Variants in LARGE1 observed in about 807,000 individuals in gnomAD.
The protein encoded by LARGE1 is xylosyl- and glucuronyltransferase LARGE1.
LARGE1 carries 43 observed loss-of-function variants against 87.6 expected under a neutral mutation model. The observed-to-expected ratio is 0.49, with a 90% confidence interval of 0.38 to 0.63. The LOEUF is 0.63. LARGE1 is among the 30% of genes least tolerant of loss of function. LARGE1 has a pLI of 0.00. For missense variants in LARGE1, 802 were observed against 1,000.2 expected (o/e 0.80, Z 2.67); for synonymous variants, 434 against 394.6 (o/e 1.10, Z -1.18).
chr22:33,659,271 C>T (rs2081055940), intron 2 of LARGE1, among the ~76,000 whole-genome samples: 1 of 152,140 alleles, frequency 6.6e-6, no homozygotes, highest in African/African-American at 2.4e-5. Flanking sequence ...AGAAAATGCC[C>T]TCCTTTTAAT....
At chr22:33,745,161 C>T (rs2084034341) in intron 2 of LARGE1, among the ~76,000 whole-genome samples, 1 of 152,186 alleles carries the variant, frequency 6.6e-6, no homozygotes, top group African/African-American at 2.4e-5. Context: ...TTTCTGATGA[C>T]TACCTGTCAC....
chr22:33,744,202 C>G (rs1184021452), intron 2 of LARGE1: 10 of 152,214 alleles, frequency 6.6e-5, no homozygotes, highest in Non-Finnish European at 1.0e-4. Flanking sequence ...TTGCTGAGAA[C>G]TTAATATGTG....
chr22:33,773,066 C>T (rs1048979161), intron 1 of LARGE1, among the ~76,000 whole-genome samples: 1 of 152,186 alleles, frequency 6.6e-6, no homozygotes, highest in Non-Finnish European at 1.5e-5. Flanking sequence ...CTCTCGTGCA[C>T]GTGAGGTCAT....
At chr22:33,539,152 A>C (rs1602319088) in intron 6 of LARGE1, among the ~76,000 whole-genome samples, 1 of 152,198 alleles carries the variant, frequency 6.6e-6, no homozygotes, top group African/African-American at 2.4e-5. Context: ...ATTGTGATGA[A>C]AAATGTATTT....
chr22:33,276,986 A>G, intron 14 of LARGE1, 74 bp downstream of exon 14: 1 of 1,417,890 alleles, frequency 7.1e-7, no homozygotes. Context: ...TCTTGTCTCC[A>G]AGGATCCCTT....
intron 9 of LARGE1, among the ~76,000 whole-genome samples, chr22:33,346,257 T>C (rs373006646): frequency 2.0e-5 from 3 of 149,772 alleles, no homozygotes; most frequent in Admixed American, 6.6e-5. Flanking sequence ...CCTTCCTCTC[T>C]TCTCTCTCTC....
rs987240506 is a variant in LARGE1 at position 33,741,706 on chromosome 22, G to A, written c.106+19665C>T. Among the ~76,000 whole-genome samples the A allele has an allele frequency of 4.6e-5, 7 of 152,184 alleles. No homozygotes were observed. In the East Asian group the frequency reaches 9.6e-4, roughly 21 times the overall value. On this transcript the variant is annotated intron_variant, in intron 2 of 14. Transcript: ENST00000397394. ...GATGAGGTGAGGACCCCGTGAAAGC[G>A]ACTGCACAGAAACAGAGACACTGAG...
At chr22:33,688,211 C>G (rs1419891234) in intron 2 of LARGE1, among the ~76,000 whole-genome samples, 1 of 152,218 alleles carries the variant, frequency 6.6e-6, no homozygotes, top group Non-Finnish European at 1.5e-5. Flanking sequence ...GTCCCTCCCT[C>G]ACAGAGCTGT....
intron 11 of LARGE1, among the ~76,000 whole-genome samples, chr22:33,211,022 C>A (rs1367502768): frequency 1.3e-5 from 2 of 152,162 alleles, no homozygotes; most frequent in Non-Finnish European, 2.9e-5. Flanking sequence ...TCTATCGGTG[C>A]TATTTTTCCA....
At chr22:33,120,376 T>TTC in the LARGE1 span, among the ~76,000 whole-genome samples, 10 of 88,206 alleles carry the variant, frequency 1.1e-4, no homozygotes, top group African/African-American at 6.9e-4. Context: ...CTTTCTTTCT[T>TTC]TCTTTCTTTC....
intron 2 of LARGE1, among the ~76,000 whole-genome samples, chr22:33,739,929 C>T (rs1433181323): frequency 6.6e-5 from 10 of 152,192 alleles, no homozygotes; most frequent in Non-Finnish European, 2.9e-5. Context: ...TGTAGAAAGA[C>T]ACAGCTGATT....
chr22:33,820,967 T>C (rs1260629487), intron 1 of LARGE1, among the ~76,000 whole-genome samples: 2 of 152,150 alleles, frequency 1.3e-5, no homozygotes, highest in Non-Finnish European at 2.9e-5. Flanking sequence ...ACAATACATT[T>C]ACTCGTCAGT....
intron 2 of LARGE1, among the ~76,000 whole-genome samples, chr22:33,755,491 C>T (rs145169590): frequency 1.3e-5 from 2 of 152,192 alleles, no homozygotes; most frequent in East Asian, 1.9e-4. Context: ...CTCTAATAGC[C>T]GAACACATCT....
chr22:33,524,511 G>A (rs2071782589), intron 6 of LARGE1, among the ~76,000 whole-genome samples: 2 of 151,728 alleles, frequency 1.3e-5, no homozygotes. Flanking sequence ...TCAATCCTGG[G>A]GCCACATAAC....
chr22:33,276,590 G>A (rs181424830), intron 14 of LARGE1, among the ~76,000 whole-genome samples: 7 of 152,298 alleles, frequency 4.6e-5, no homozygotes, highest in East Asian at 1.9e-4. Context: ...GAAGGAGTTC[G>A]TGATTAAACA....
At chr22:33,229,583 A>G (rs1319382001) in intron 11 of LARGE1, among the ~76,000 whole-genome samples, 1 of 152,144 alleles carries the variant, frequency 6.6e-6, no homozygotes, top group Non-Finnish European at 1.5e-5. Flanking sequence ...ATAAGGAAAT[A>G]AAGTAGAATT....
intron 6 of LARGE1, among the ~76,000 whole-genome samples, chr22:33,465,201 G>T (rs943792872): frequency 1.3e-5 from 2 of 152,226 alleles, no homozygotes; most frequent in African/African-American, 4.8e-5. Flanking sequence ...GCAAGTCACA[G>T]AAGTATTAAT....
chr22:33,757,060 C>T (rs493192), intron 2 of LARGE1, among the ~76,000 whole-genome samples: 125,432 of 152,132 alleles, frequency 0.82, 51,960 homozygotes, highest in East Asian at 0.97. Flanking sequence ...AAGGGGTTAA[C>T]GCACTAACAA....
At chr22:33,264,144 T>G (rs1366714263) in intron 11 of LARGE1, among the ~76,000 whole-genome samples, 2 of 152,218 alleles carry the variant, frequency 1.3e-5, no homozygotes, top group East Asian at 3.8e-4. Flanking sequence ...GAAGATCAAC[T>G]CCTTCATATT....
Sources: gnomAD v4.1 joint callset for allele counts (sites outside exome capture counted in the v4.1 genomes callset) on GRCh38, gnomAD v4.1.1 for gene constraint, MANE v1.5 for transcripts, NCBI Gene and HGNC (gene_info 2026-07-23, HGNC 2026-07-21) for gene names.